The following GBP7 variants were observed in gnomAD, a reference collection of about 807,000 sequenced individuals.
The protein encoded by GBP7 is guanylate-binding protein 7.
Under a neutral mutation model 61.3 loss-of-function variants are expected in GBP7, and 43 were observed. The ratio of observed to expected loss-of-function variants is 0.70; its 90% CI spans 0.55 to 0.91. The LOEUF (loss-of-function observed/expected upper bound fraction) is 0.91, where lower values mean the gene tolerates loss of function less well. GBP7 is among the 40% of genes least tolerant of loss of function. The pLI is 0.00. For synonymous variants in GBP7, 267 were observed against 271.0 expected (o/e 0.99, Z 0.14); for missense variants, 717 against 740.5 (o/e 0.97, Z 0.37).
chr1:89,149,599 T>C (rs367560212), intron 6 of GBP7, 27 bp from the exon 7 acceptor site: 151 of 1,584,160 alleles, frequency 9.5e-5, no homozygotes, highest in Admixed American at 4.0e-4. Context: ...ATTTAGGGAA[T>C]AGATAGAAAG....
chr1:89,156,268 A>G (rs947756814), intron 3 of GBP7, among the ~76,000 whole-genome samples: 1 of 152,248 alleles, frequency 6.6e-6, no homozygotes, highest in Non-Finnish European at 1.5e-5. Context: ...TGTAAAGACC[A>G]TCTATGCTAG....
Position 89,150,387 on chromosome 1 carries a change from TATAAG to T in GBP7, c.809_813del (p.Ser270TyrfsTer51), listed in dbSNP as rs749120836. On this transcript the variant is annotated frameshift_variant, in exon 6 of 11. Coordinates refer to ENST00000294671, the MANE Select transcript of GBP7 (RefSeq NM_207398.3). LOFTEE classifies it high-confidence loss of function. ...GTCTTGGTCTTTGCATGGGTGAAGA[TATAAG>T]AACAGAAATTTTCTGATTGCATCTG... 2 of 1,613,888 alleles carry T rather than the reference TATAAG, an allele frequency of 1.2e-6. No individual in the cohort carries two copies. The highest frequency in any genetic ancestry group is 2.2e-5 in the South Asian group (2 of 91,080).
rs1422974190 is a variant in GBP7, at chr1:89,132,154, T to C, written c.1912A>G (p.Ser638Gly). 5 of 1,603,598 alleles carry C rather than the reference T, an allele frequency of 3.1e-6. No homozygotes were observed. The highest frequency in any genetic ancestry group is 4.3e-6 in the Non-Finnish European group (5 of 1,175,944). ...CCATTTTAACAAAAGAAACCTCAGC[T>C]TATAATTTTCTTACCAGGATTTCTC... ...RLRNPGKKII[S>G] is the part of the protein sequence containing the mutation. Residue 638 changes from serine to glycine, a missense_variant, in exon 11 of 11, where the codon AGC becomes GGC. By Grantham distance (56) the Ser-to-Gly change is moderately conservative. Transcript: ENST00000294671.
At position 89,170,407 on chromosome 1, in the gene GBP7, G is replaced by GA. The variant is rs527308804; in HGVS notation, c.190+1338dup. ...AAGAATATGCTGAAAATGTGGAATT[G>GA]AAAAAATTGACTTAATAATGAATTC... On this transcript the variant is annotated intron_variant, in intron 2 of 10. Coordinates refer to ENST00000294671, the MANE Select transcript of GBP7 (RefSeq NM_207398.3). 3.0e-3 allele frequency among the ~76,000 whole-genome samples: 459 copies of GA among 152,260 alleles called. 3 individuals are homozygous for GA. Among genetic ancestry groups the GA allele is most frequent in the African/African-American group, 0.01 (423 of 41,560 alleles).
At chr1:89,171,154 G>A (rs528938334) in intron 2 of GBP7, among the ~76,000 whole-genome samples, 6 of 152,144 alleles carry the variant, frequency 3.9e-5, no homozygotes, top group Non-Finnish European at 7.3e-5. Flanking sequence ...GTTATTGTGA[G>A]TTAACAGAGG....
chr1:89,165,338 A>G (rs1647394851), intron 2 of GBP7, among the ~76,000 whole-genome samples: 1 of 151,958 alleles, frequency 6.6e-6, no homozygotes, highest in Non-Finnish European at 1.5e-5. Context: ...TGTCTCTACT[A>G]AAATACAAAA....
At position 89,152,313 on chromosome 1, in the gene GBP7, T is replaced by C. The variant is rs1485075913; in HGVS notation, c.580A>G (p.Ile194Val). 1.9e-6 allele frequency: 3 copies of C among 1,614,162 alleles called. No homozygotes were observed. Among genetic ancestry groups the C allele is most frequent in the East Asian group, 4.5e-5 (2 of 44,884 alleles). The stretch of plus-strand genomic sequence containing the variant: ...TTCTCCAGGTACTCATCTTCTGTGA[T>C]GGGGTGTCCATCTAACTTCAGCTCC... ...TLELKLDGHP[I>V]TEDEYLENAL... The change falls in exon 5 of 11, where the codon ATC (isoleucine) becomes GTC (valine). Residue 194 changes from isoleucine (I) to valine (V), a missense_variant. Physicochemically the swap from Ile to Val is conservative, Grantham distance 29 (BLOSUM62 3). This residue lies in a region of GBP7 where 387 missense variants were observed against 385.2 expected (regional missense o/e 1.00). Transcript: ENST00000294671.
intron 9 of GBP7, 28 bp downstream of exon 9, chr1:89,141,518 G>A (rs776511844): frequency 6.3e-7 from 1 of 1,592,134 alleles, no homozygotes. Flanking sequence ...CTACCCATTT[G>A]CCTGAGAGCT....
intron 8 of GBP7, among the ~76,000 whole-genome samples, chr1:89,142,309 G>A (rs1045329090): frequency 3.3e-5 from 5 of 152,112 alleles, no homozygotes; most frequent in African/African-American, 4.8e-5. Flanking sequence ...CCAAGCACAA[G>A]TTCAATGGTA....
rs772103458 is a variant in GBP7, at chr1:89,150,531, TC to T, written c.669del (p.Trp223Ter). The T allele has an allele frequency of 3.1e-6, 5 of 1,613,896 alleles. No homozygotes were observed. The African/African-American group carries it at 5.3e-5, about 17-fold the overall frequency. On this transcript the variant is annotated frameshift_variant, in exon 6 of 11. Transcript: ENST00000294671. LOFTEE classifies it high-confidence loss of function. Reference protein sequence around the residue: ...QIQNSNKPREWIRHFFPKQKC... With the variant: ...QIQNSNKPREXIRHFFPKQKC... ...TTCTGTTTTGGAAAGAAATGCCTGA[TC>T]CACTCCCTGGGCTTGTTAGAATTTT...
At chr1:89,136,902 C>G (rs1466914852) in intron 9 of GBP7, among the ~76,000 whole-genome samples, 1 of 151,790 alleles carries the variant, frequency 6.6e-6, no homozygotes, top group Non-Finnish European at 1.5e-5. Context: ...GGATATACTT[C>G]TAGTTAGACT....
chr1:89,148,471 T>C (rs1436359812), intron 7 of GBP7, among the ~76,000 whole-genome samples: 1 of 152,244 alleles, frequency 6.6e-6, no homozygotes, highest in Non-Finnish European at 1.5e-5. Flanking sequence ...ATATGATATC[T>C]GTTGACTTTA....
At chr1:89,141,346 C>T (rs956292438) in intron 9 of GBP7, among the ~76,000 whole-genome samples, 200 bp downstream of exon 9, 2 of 152,150 alleles carry the variant, frequency 1.3e-5, no homozygotes, top group African/African-American at 4.8e-5. Context: ...TCAGCAAGAG[C>T]ATGTTTAAGA....
rs1317945471 is a variant in GBP7, at chr1:89,150,600, T to C, written c.626-25A>G. ...CCTGCAGAATTAGTGAAAAAGTGACTACTGAAGAACAGGTTTTAAGTGAGC... is the reference window on the plus strand; with the variant it reads ...CCTGCAGAATTAGTGAAAAAGTGACCACTGAAGAACAGGTTTTAAGTGAGC... On this transcript the variant is annotated intron_variant, in intron 5 of 10. Coordinates refer to ENST00000294671, the MANE Select transcript of GBP7 (RefSeq NM_207398.3). The C allele has an allele frequency of 1.9e-6, 3 of 1,611,064 alleles. No individual in the cohort carries two copies. In the East Asian group the frequency reaches 6.7e-5, roughly 36 times the overall value.
Position 89,152,457 on chromosome 1 carries a change from T to C in GBP7, c.436A>G (p.Thr146Ala). The change falls in exon 5 of 11, where the codon ACT (threonine) becomes GCT (alanine). Residue 146 changes from threonine to alanine, a missense_variant. Thr to Ala is a moderately conservative substitution (Grantham distance 58). Transcript: ENST00000294671. ...HQALEQLHYVTELTELIRAKS... is the reference protein window; with the variant it reads ...HQALEQLHYVAELTELIRAKS... ...GCCCTGATTAGCTCTGTTAGCTCAGTCACGTAGCTGGGATCTCAGCTAAGG... is the reference window on the plus strand; with the variant it reads ...GCCCTGATTAGCTCTGTTAGCTCAGCCACGTAGCTGGGATCTCAGCTAAGG... 1 of 1,613,940 alleles carries C rather than the reference T, an allele frequency of 6.2e-7. No homozygotes were observed.
chr1:89,132,411 AGT>A lies in GBP7; in HGVS notation c.1663-10_1663-9del, dbSNP rs776149483. ...AAGCAGTTCTTCTAGGACCTATAAA[AGT>A]AAAAGAGCCTACTTTTGAAAATCCC... On this transcript the variant is annotated splice_polypyrimidine_tract_variant and intron_variant, in intron 10 of 10. Coordinates refer to ENST00000294671, the MANE Select transcript of GBP7 (RefSeq NM_207398.3). 33 of 1,566,200 alleles carry A rather than the reference AGT, an allele frequency of 2.1e-5. No individual in the cohort carries two copies. In the African/African-American group the frequency reaches 4.3e-4, roughly 20 times the overall value.
Position 89,147,630 on chromosome 1 carries a change from G to A in GBP7, c.1302C>T (p.Ile434=). The change falls in exon 8 of 11, where the codon ATC becomes ATT. Residue 434 remains isoleucine (I), a synonymous_variant. Coordinates refer to ENST00000294671, the MANE Select transcript of GBP7 (RefSeq NM_207398.3). ...CAATCTTCTTTTTTGCTTCTAAGTA[G>A]ATATTGTGCCCCCCCGGAACAAAGA... ...GTFFVPGGHN[I]YLEAKKKIEQ... 1.2e-6 allele frequency: 2 copies of A among 1,614,100 alleles called. No individual in the cohort carries two copies. Among genetic ancestry groups the A allele is most frequent in the Non-Finnish European group, 1.7e-6 (2 of 1,180,002 alleles).
intron 9 of GBP7, among the ~76,000 whole-genome samples, chr1:89,139,211 A>T (rs1198277119): frequency 6.6e-6 from 1 of 152,234 alleles, no homozygotes; most frequent in Non-Finnish European, 1.5e-5. Context: ...TCCCTATTTC[A>T]TAAATGGTGC....
At chr1:89,158,237 A>G (rs965372642) in intron 3 of GBP7, among the ~76,000 whole-genome samples, 9 of 152,214 alleles carry the variant, frequency 5.9e-5, no homozygotes, top group Admixed American at 2.0e-4. Flanking sequence ...ATTTATGACA[A>G]ACCCACAGCC....
Sources: allele counts gnomAD v4.1 joint callset (sites outside exome capture counted in the v4.1 genomes callset), GRCh38; gene constraint gnomAD v4.1.1; regional missense constraint gnomAD v4.1.1; transcripts MANE v1.5; gene names NCBI Gene and HGNC (gene_info 2026-07-23, HGNC 2026-07-21).